ETV6: variants seen among roughly 807,000 people sequenced by gnomAD.
ETV6 encodes the protein ETS variant transcription factor 6.
A neutral mutation model predicts 51.1 loss-of-function variants in ETV6; 16 were observed. The observed-to-expected ratio is 0.31, with a 90% CI of 0.21 to 0.48. The LOEUF is 0.48. Ranked by LOEUF, ETV6 falls within the 20% of genes least tolerant of loss-of-function variation. The pLI is 0.99. For missense variants in ETV6, 458 were observed against 594.8 expected (o/e 0.77, Z 2.39); for synonymous variants, 240 against 224.1 (o/e 1.07, Z -0.64).
chr12:11,774,266 G>A (rs904520211), intron 2 of ETV6, among the ~76,000 whole-genome samples: 4 of 152,170 alleles, frequency 2.6e-5, no homozygotes, highest in African/African-American at 9.7e-5. Context: ...GTTCTTCCTG[G>A]TCAACAAACT....
intron 4 of ETV6, among the ~76,000 whole-genome samples, chr12:11,856,910 G>A (rs751168088): frequency 1.3e-5 from 2 of 152,172 alleles, no homozygotes; most frequent in Admixed American, 6.5e-5. Flanking sequence ...CCATATAAAA[G>A]TATGTTAACC....
intron 1 of ETV6, among the ~76,000 whole-genome samples, chr12:11,746,308 T>TA (rs1865907286): frequency 6.6e-6 from 1 of 152,200 alleles, no homozygotes; most frequent in Non-Finnish European, 1.5e-5. Context: ...TGCACGCAAA[T>TA]ACCAGCCACA....
Position 11,809,881 on chromosome 12 carries a change from G to A in ETV6, c.164-29259G>A, listed in dbSNP as rs533399401. ...GTCACCCAGGCTGGAGTGCAGTGGC[G>A]TGATCTCAGCTCACTGCAACTTCCG... On this transcript the variant is annotated intron_variant, in intron 2 of 7. Coordinates refer to ENST00000396373, the MANE Select transcript of ETV6 (RefSeq NM_001987.5). 1.1e-3 allele frequency among the ~76,000 whole-genome samples: 155 copies of A among 144,904 alleles called. 1 individual carries two copies. The highest frequency in any genetic ancestry group is 3.1e-3 in the African/African-American group (118 of 38,374).
intron 2 of ETV6, among the ~76,000 whole-genome samples, chr12:11,766,615 G>C (rs1300317444): frequency 6.6e-6 from 1 of 152,160 alleles, no homozygotes; most frequent in East Asian, 1.9e-4. Flanking sequence ...CCTGTTTCTT[G>C]CTCCCTTGCT....
intron 2 of ETV6, among the ~76,000 whole-genome samples, chr12:11,768,176 T>A (rs1945190435): frequency 6.6e-6 from 1 of 152,180 alleles, no homozygotes; most frequent in Non-Finnish European, 1.5e-5. Flanking sequence ...GCTGCATTAT[T>A]GTTCCTCTAT....
intron 2 of ETV6, among the ~76,000 whole-genome samples, chr12:11,788,191 A>G (rs1371484677): frequency 1.3e-5 from 2 of 152,258 alleles, no homozygotes; most frequent in African/African-American, 4.8e-5. Flanking sequence ...CTCCAGCAAT[A>G]TGTGTTTAGC....
At chr12:11,828,609 G>A (rs1186021517) in intron 2 of ETV6, among the ~76,000 whole-genome samples, 4 of 152,158 alleles carry the variant, frequency 2.6e-5, no homozygotes, top group Non-Finnish European at 5.9e-5. Flanking sequence ...ATAAACTTGA[G>A]GTAGTCTATA....
intron 1 of ETV6, among the ~76,000 whole-genome samples, chr12:11,734,759 T>C (rs925459008): frequency 6.6e-6 from 1 of 150,806 alleles, no homozygotes; most frequent in African/African-American, 2.4e-5. Context: ...AAACTTAGGC[T>C]TGGGGTGTTT....
chr12:11,770,188 C>G (rs1450999259), intron 2 of ETV6, among the ~76,000 whole-genome samples: 2 of 152,110 alleles, frequency 1.3e-5, no homozygotes, highest in South Asian at 2.1e-4. Context: ...AAGGAACAAG[C>G]CTCGTTGGCC....
intron 1 of ETV6, among the ~76,000 whole-genome samples, chr12:11,696,455 C>A (rs2120818218): frequency 6.6e-6 from 1 of 152,294 alleles, no homozygotes; most frequent in Middle Eastern, 3.4e-3. Flanking sequence ...CATGGAGTTG[C>A]AATAAAAACT....
chr12:11,845,620 T>C (rs1222591434), intron 3 of ETV6, among the ~76,000 whole-genome samples: 1 of 152,196 alleles, frequency 6.6e-6, no homozygotes, highest in African/African-American at 2.4e-5. Flanking sequence ...TTTATTTTTG[T>C]GGTCACAGAA....
chr12:11,718,064 A>C (rs1034281643), intron 1 of ETV6, among the ~76,000 whole-genome samples: 1 of 152,160 alleles, frequency 6.6e-6, no homozygotes, highest in African/African-American at 2.4e-5. Flanking sequence ...TATAAATCAG[A>C]GAGATAGAAA....
chr12:11,659,321 A>G lies in ETV6; in HGVS notation c.33+9161A>G, dbSNP rs976803810. On this transcript the variant is annotated intron_variant, in intron 1 of 7. Coordinates refer to ENST00000396373, the MANE Select transcript of ETV6 (RefSeq NM_001987.5). ...TACATGGCAGATGAGAAGATGAACT[A>G]TAGACTGGAAAATAACCCTTTTTTG... Among the ~76,000 whole-genome samples the G allele has an allele frequency of 2.6e-5, 4 of 152,226 alleles. No individual in the cohort carries two copies. In the South Asian group the frequency reaches 6.2e-4, roughly 24 times the overall value.
intron 2 of ETV6, among the ~76,000 whole-genome samples, chr12:11,753,599 G>A (rs776351467): frequency 3.3e-5 from 5 of 152,324 alleles, no homozygotes; most frequent in South Asian, 2.1e-4. Context: ...TTCTCCTCCT[G>A]TTCCACCCTC....
At chr12:11,780,235 G>A (rs1390284627) in intron 2 of ETV6, among the ~76,000 whole-genome samples, 1 of 152,090 alleles carries the variant, frequency 6.6e-6, no homozygotes, top group Non-Finnish European at 1.5e-5. Flanking sequence ...GTTTTTTTAA[G>A]TTGAGATTAT....
intron 2 of ETV6, among the ~76,000 whole-genome samples, chr12:11,796,571 C>A (rs1273133978): frequency 6.6e-6 from 1 of 152,176 alleles, no homozygotes; most frequent in African/African-American, 2.4e-5. Flanking sequence ...ATTAAAGACA[C>A]TGGCCATCCT....
At chr12:11,740,557 A>G (rs1389361649) in intron 1 of ETV6, among the ~76,000 whole-genome samples, 1 of 135,268 alleles carries the variant, frequency 7.4e-6, no homozygotes, top group Non-Finnish European at 1.6e-5. Context: ...TATTCATGCC[A>G]CTGTTCTCCT....
At chr12:11,701,320 G>A (rs61366849) in intron 1 of ETV6, among the ~76,000 whole-genome samples, 1 of 152,046 alleles carries the variant, frequency 6.6e-6, no homozygotes, top group African/African-American at 2.4e-5. Context: ...GTAATCAGGG[G>A]TCTTCTTCCT....
intron 1 of ETV6, among the ~76,000 whole-genome samples, chr12:11,711,662 T>A (rs1865174693): frequency 6.6e-6 from 1 of 152,198 alleles, no homozygotes; most frequent in South Asian, 2.1e-4. Flanking sequence ...CTTAAAGCAT[T>A]TTCAGATGTC....
Sources: allele counts gnomAD v4.1 joint callset (sites outside exome capture counted in the v4.1 genomes callset), GRCh38; gene constraint gnomAD v4.1.1; transcripts MANE v1.5; gene names NCBI Gene and HGNC (gene_info 2026-07-23, HGNC 2026-07-21).